The following KCNH1 variants were observed in gnomAD, a reference collection of about 807,000 sequenced individuals.
KCNH1 encodes the protein potassium voltage-gated channel subfamily H member 1, also known as voltage-gated delayed rectifier potassium channel KCNH1.
A neutral mutation model predicts 69.2 loss-of-function variants in KCNH1; 27 were observed. That is an observed-to-expected ratio of 0.39 (90% CI 0.29 to 0.54). The LOEUF is 0.54. KCNH1 is among the 20% of genes least tolerant of loss of function. The probability of loss-of-function intolerance (pLI) is 0.68; values close to 1 mark genes in which losing one functional copy is unlikely to be tolerated. For missense variants in KCNH1, 798 were observed against 1,261.6 expected, an observed-to-expected ratio of 0.63 and a Z score of 5.57; for synonymous variants, 456 against 487.7, an observed-to-expected ratio of 0.93 and a Z score of 0.86.
chr1:211,059,019 G>A (rs758910559), intron 5 of KCNH1, among the ~76,000 whole-genome samples: 17 of 152,282 alleles, frequency 1.1e-4, no homozygotes, highest in East Asian at 3.9e-4. Context: ...GGTGGCTCAC[G>A]CCTGTAATCC....
Position 211,133,108 on chromosome 1 carries a change from G to A in KCNH1, c.79+759C>T, listed in dbSNP as rs1304561361. The stretch of plus-strand genomic sequence containing the variant: ...CTATTTATAGGTTTGGTGAGATTGG[G>A]AATTTATAGGTGAGCAACACTTAAG... On this transcript the variant is annotated intron_variant, in intron 1 of 10. Coordinates refer to ENST00000271751, the MANE Select transcript of KCNH1 (RefSeq NM_172362.3). The surrounding 1 kb of genome is among the most constrained non-coding windows in gnomAD (Gnocchi z 5.4). 1.3e-5 allele frequency: 2 copies of A among 152,186 alleles called. No individual in the cohort carries two copies. The highest frequency in any genetic ancestry group is 4.8e-5 in the African/African-American group (2 of 41,440). 9.4% of individuals were successfully genotyped at this position (152,186 alleles called of 1,614,324 possible). A position where few individuals can be genotyped will look rare whatever the true frequency, so the allele number is the denominator to read the frequency against.
chr1:210,785,314 C>T (rs1319315558), intron 9 of KCNH1, among the ~76,000 whole-genome samples: 1 of 151,760 alleles, frequency 6.6e-6, no homozygotes, highest in Non-Finnish European at 1.5e-5. Flanking sequence ...GGAAGGAAGA[C>T]ACCTGGTTGA....
intron 1 of KCNH1, among the ~76,000 whole-genome samples, chr1:211,109,765 CA>C (rs140960466): frequency 0.24 from 35,430 of 145,716 alleles, 4,833 homozygotes; most frequent in African/African-American, 0.39. Flanking sequence ...AAGAATGAAC[CA>C]AAAAAAAACT....
chr1:210,844,130 A>G (rs1194169910), intron 7 of KCNH1, among the ~76,000 whole-genome samples: 7 of 152,160 alleles, frequency 4.6e-5, no homozygotes, highest in Non-Finnish European at 8.8e-5. Context: ...TTTGGTAAAA[A>G]CAATCTGCTG....
chr1:210,790,306 T>C (rs1473309140), intron 9 of KCNH1, among the ~76,000 whole-genome samples: 1 of 152,190 alleles, frequency 6.6e-6, no homozygotes, highest in Non-Finnish European at 1.5e-5. Flanking sequence ...AATGCAACAA[T>C]GTAACAAGTC....
At chr1:210,824,222 T>G (rs1176171164) in intron 7 of KCNH1, among the ~76,000 whole-genome samples, 1 of 152,012 alleles carries the variant, frequency 6.6e-6, no homozygotes, top group Non-Finnish European at 1.5e-5. Context: ...TTTTAAGAGA[T>G]TGAGACCCTC....
At chr1:210,945,793 C>T (rs1687948664) in intron 6 of KCNH1, among the ~76,000 whole-genome samples, 2 of 152,184 alleles carry the variant, frequency 1.3e-5, no homozygotes, top group Admixed American at 1.3e-4. Context: ...ACCCAATTGT[C>T]CTCACTCATC....
At chr1:210,821,650 A>G (rs1684931506) in intron 7 of KCNH1, among the ~76,000 whole-genome samples, 1 of 152,034 alleles carries the variant, frequency 6.6e-6, no homozygotes, top group South Asian at 2.1e-4. Flanking sequence ...AGTGGGGTGG[A>G]TTTCACAACT....
chr1:210,810,420 T>C (rs1310636206), intron 7 of KCNH1, among the ~76,000 whole-genome samples: 1 of 152,198 alleles, frequency 6.6e-6, no homozygotes, highest in East Asian at 1.9e-4. Flanking sequence ...TCTGGAAATG[T>C]ATGCACTTCA....
chr1:210,982,212 G>C (rs1046217900), intron 6 of KCNH1, among the ~76,000 whole-genome samples: 45 of 132,972 alleles, frequency 3.4e-4, no homozygotes, highest in African/African-American at 1.3e-3. Context: ...AAAAGGATGC[G>C]AGAATACTTT....
intron 5 of KCNH1, among the ~76,000 whole-genome samples, chr1:211,023,115 AAAATAAAT>A (rs562804540): frequency 8.9e-4 from 88 of 98,570 alleles, no homozygotes; most frequent in African/African-American, 2.4e-3. Flanking sequence ...TGTCTCAGAA[AAAATAAAT>A]AAATAAATAA....
At chr1:210,748,653 G>A (rs940983240) in intron 10 of KCNH1, among the ~76,000 whole-genome samples, 1 of 152,196 alleles carries the variant, frequency 6.6e-6, no homozygotes, top group Admixed American at 6.5e-5. Flanking sequence ...TTTCCAAAGA[G>A]ATCTGACCCC....
chr1:210,986,475 C>T (rs1392806147), intron 6 of KCNH1, among the ~76,000 whole-genome samples: 1 of 152,120 alleles, frequency 6.6e-6, no homozygotes, highest in Non-Finnish European at 1.5e-5. Context: ...TTAGGGCAGG[C>T]CTGGTGGTGA....
chr1:210,881,863 T>C (rs1404025641), intron 7 of KCNH1, among the ~76,000 whole-genome samples: 1 of 152,206 alleles, frequency 6.6e-6, no homozygotes, highest in Non-Finnish European at 1.5e-5. Context: ...GATCAAATGT[T>C]TCCTGGAGTT....
intron 10 of KCNH1, among the ~76,000 whole-genome samples, chr1:210,763,949 C>A (rs1386061038): frequency 6.6e-6 from 1 of 152,060 alleles, no homozygotes; most frequent in Non-Finnish European, 1.5e-5. Flanking sequence ...TGGAGGCAAT[C>A]ACATTATCCA....
intron 7 of KCNH1, among the ~76,000 whole-genome samples, chr1:210,815,027 A>G (rs545924662): frequency 4.6e-5 from 7 of 152,300 alleles, no homozygotes; most frequent in South Asian, 4.1e-4. Context: ...CTCTGGTTCA[A>G]TGATCCAAGG....
At chr1:210,972,349 G>A (rs772712280) in intron 6 of KCNH1, among the ~76,000 whole-genome samples, 1 of 151,926 alleles carries the variant, frequency 6.6e-6, no homozygotes, top group Non-Finnish European at 1.5e-5. Context: ...TGTCAATTTA[G>A]ACTTTAATTC....
Position 210,915,180 on chromosome 1 carries a change from G to A in KCNH1, c.1462+4460C>T, listed in dbSNP as rs1687310620. On this transcript the variant is annotated intron_variant, in intron 7 of 10. Coordinates refer to ENST00000271751, the MANE Select transcript of KCNH1 (RefSeq NM_172362.3). ...TCCTCAAAAGCCAGGGAAAGGCTCAGCCACAGTGAAGAGTCCATTTCTAGG... is the reference window on the plus strand; with the variant it reads ...TCCTCAAAAGCCAGGGAAAGGCTCAACCACAGTGAAGAGTCCATTTCTAGG... 2.6e-5 allele frequency among the ~76,000 whole-genome samples: 4 copies of A among 152,176 alleles called. No individual in the cohort carries two copies. In the South Asian group the frequency reaches 8.3e-4, roughly 32 times the overall value.
chr1:210,852,968 A>G (rs60927621), intron 7 of KCNH1, among the ~76,000 whole-genome samples: 9,984 of 152,180 alleles, frequency 0.066, 658 homozygotes, highest in African/African-American at 0.15. Context: ...CCTGTCTTCT[A>G]TTCTTTCCCT....
Sources: gnomAD v4.1 joint callset for allele counts (sites outside exome capture counted in the v4.1 genomes callset) on GRCh38, gnomAD v4.1.1 for gene constraint, Gnocchi (gnomAD v3.1) non-coding constraint, MANE v1.5 for transcripts, NCBI Gene and HGNC (gene_info 2026-07-23, HGNC 2026-07-21) for gene names.